Variants in RPS6KA6 observed in about 807,000 individuals in gnomAD.
RPS6KA6 encodes ribosomal protein S6 kinase alpha-6.
RPS6KA6 carries 27 observed loss-of-function variants against 65.4 expected under a neutral mutation model. The ratio of observed to expected loss-of-function variants is 0.41; its 90% CI spans 0.30 to 0.57. The LOEUF (loss-of-function observed/expected upper bound fraction) is 0.57, where lower values mean the gene tolerates loss of function less well. Among genes scored for constraint, RPS6KA6 ranks in the 20% least tolerant of loss-of-function variants. RPS6KA6 has a pLI of 0.24. For synonymous variants in RPS6KA6, 190 were observed against 184.2 expected (o/e 1.03, Z -0.26); for missense variants, 486 against 555.6 (o/e 0.87, Z 1.26).
At chrX:84,068,689 A>G (rs886373293) in intron 20 of RPS6KA6, among the ~76,000 whole-genome samples, 6 of 112,295 alleles carry the variant, frequency 5.3e-5, no homozygotes, top group Non-Finnish European at 1.1e-4. Context: ...CTCAGCCTAA[A>G]AACTATTTAT....
At chrX:84,179,006 T>G (rs2035808581) in intron 1 of RPS6KA6, among the ~76,000 whole-genome samples, 1 of 111,409 alleles carries the variant, frequency 9.0e-6, no homozygotes, top group Admixed American at 9.6e-5. Flanking sequence ...GAAAAATATT[T>G]GGAAATCGGT....
intron 20 of RPS6KA6, among the ~76,000 whole-genome samples, chrX:84,081,161 CA>C (rs952963086): frequency 9.0e-6 from 1 of 111,332 alleles, no homozygotes; most frequent in Non-Finnish European, 1.9e-5. Context: ...GAAAACCCTT[CA>C]AAAAATCAAT....
At chrX:84,110,129 T>A (rs6622916) in intron 12 of RPS6KA6, among the ~76,000 whole-genome samples, 1 of 111,698 alleles carries the variant, frequency 9.0e-6, no homozygotes, top group Non-Finnish European at 1.9e-5. Context: ...GTGTCTTCTG[T>A]GGCTATCAGC....
chrX:84,116,345 G>T, intron 11 of RPS6KA6, 58 bp from the exon 12 acceptor site: 1 of 598,916 alleles, frequency 1.7e-6, no homozygotes, highest in Non-Finnish European at 2.5e-6. Context: ...TTGCTCCCTG[G>T]CTTCCAGACT....
rs193118587 is a variant in RPS6KA6 at position 84,151,221 on chromosome X, T to G, written c.259-3098A>C. ...GAGATATAGATATATAGGATATATA[T>G]AGATATAGATATATAGGATATATAT... On this transcript the variant is annotated intron_variant, in intron 3 of 21. Transcript: ENST00000262752. 7.5e-4 allele frequency among the ~76,000 whole-genome samples: 69 copies of G among 92,104 alleles called. 1 individual carries two copies. Among genetic ancestry groups the G allele is most frequent in the African/African-American group, 2.1e-3 (57 of 26,717 alleles). 80.0% of individuals were successfully genotyped at this position (92,104 alleles called of 115,157 possible).
rs768401575 is a variant in RPS6KA6 at position 84,174,984 on chromosome X, CT to C, written c.82-10598del. Reference sequence around the variant, plus strand: ...TTTTCCTTCGATTTTTATTAGTTTTCTTACTAAAAATGTTTAAAACCAACTT... The same window carrying C: ...TTTTCCTTCGATTTTTATTAGTTTTCTACTAAAAATGTTTAAAACCAACTT... On this transcript the variant is annotated intron_variant, in intron 1 of 21. Coordinates refer to ENST00000262752, the MANE Select transcript of RPS6KA6 (RefSeq NM_014496.5). Among the ~76,000 whole-genome samples, 6 of 111,850 alleles carry C rather than the reference CT, an allele frequency of 5.4e-5. No individual in the cohort carries two copies. In the Admixed American group the frequency reaches 5.7e-4, roughly 11 times the overall value.
intron 1 of RPS6KA6, among the ~76,000 whole-genome samples, chrX:84,174,100 G>A (rs1378483995): frequency 2.7e-5 from 3 of 110,990 alleles, no homozygotes; most frequent in Non-Finnish European, 5.7e-5. Context: ...TGTTTTTTTG[G>A]ATTCACCAGG....
intron 8 of RPS6KA6, among the ~76,000 whole-genome samples, chrX:84,123,097 A>G (rs2034710071): frequency 9.0e-6 from 1 of 111,679 alleles, no homozygotes. Context: ...CCTGGGCCAA[A>G]AGGAAACCCA....
intron 9 of RPS6KA6, among the ~76,000 whole-genome samples, chrX:84,118,545 G>A (rs2034610772): frequency 9.0e-6 from 1 of 111,468 alleles, no homozygotes. Context: ...AGTAACCTAT[G>A]CTACATGTTA....
chrX:84,177,951 C>T (rs2035795211), intron 1 of RPS6KA6, among the ~76,000 whole-genome samples: 1 of 110,968 alleles, frequency 9.0e-6, no homozygotes, highest in Non-Finnish European at 1.9e-5. Flanking sequence ...TGCACCACCA[C>T]ACACAGCTAA....
intron 20 of RPS6KA6, among the ~76,000 whole-genome samples, chrX:84,094,752 G>A (rs1818487878): frequency 1.8e-5 from 2 of 112,025 alleles, no homozygotes; most frequent in African/African-American, 6.5e-5. Flanking sequence ...GGAGATAACT[G>A]ACATGGGTAA....
chrX:84,186,307 C>T (rs1368210979), intron 1 of RPS6KA6: 1 of 345,925 alleles, frequency 2.9e-6, no homozygotes, highest in Non-Finnish European at 5.0e-6. Flanking sequence ...AAGCATTTAA[C>T]TGTTTTTATA....
chrX:84,130,762 T>A (rs2034881749), intron 8 of RPS6KA6, among the ~76,000 whole-genome samples: 1 of 111,498 alleles, frequency 9.0e-6, no homozygotes, highest in Non-Finnish European at 1.9e-5. Flanking sequence ...AAAGGCTGTA[T>A]ACTGTATGCC....
chrX:84,097,034 CAT>C (rs1297659070), intron 19 of RPS6KA6, among the ~76,000 whole-genome samples: 5 of 111,144 alleles, frequency 4.5e-5, no homozygotes, highest in African/African-American at 1.6e-4. Flanking sequence ...ATTTTTATAA[CAT>C]ATTTATAGAG....
chrX:84,158,964 G>GA (rs770700698), intron 2 of RPS6KA6, among the ~76,000 whole-genome samples: 44 of 111,544 alleles, frequency 3.9e-4, no homozygotes, highest in African/African-American at 1.4e-3. Context: ...GGCCAGGATT[G>GA]AAAAACAATA....
intron 6 of RPS6KA6, among the ~76,000 whole-genome samples, chrX:84,144,203 C>T (rs1360674023): frequency 9.0e-6 from 1 of 111,176 alleles, no homozygotes; most frequent in Admixed American, 9.6e-5. Context: ...AAATTAAGAA[C>T]TTCTGCTTTT....
intron 12 of RPS6KA6, among the ~76,000 whole-genome samples, chrX:84,108,408 C>A (rs1223813362): frequency 2.7e-5 from 3 of 111,474 alleles, no homozygotes; most frequent in Non-Finnish European, 5.7e-5. Context: ...GGTGAGGAAT[C>A]AAAATAGCAA....
intron 19 of RPS6KA6, 35 bp from the exon 20 acceptor site, chrX:84,096,346 G>A (rs2034156943): frequency 4.5e-6 from 3 of 671,676 alleles, no homozygotes; most frequent in Non-Finnish European, 4.3e-6. Context: ...GACACTAGAG[G>A]GTAACATACC....
At chrX:84,069,231 A>AC (rs951797554) in intron 20 of RPS6KA6, among the ~76,000 whole-genome samples, 1 of 111,728 alleles carries the variant, frequency 9.0e-6, no homozygotes, top group African/African-American at 3.3e-5. Flanking sequence ...GACCGATGGA[A>AC]CAGAACAGAG....
Sources: gnomAD v4.1 joint callset for allele counts (sites outside exome capture counted in the v4.1 genomes callset) on GRCh38, gnomAD v4.1.1 for gene constraint, MANE v1.5 for transcripts, NCBI Gene and HGNC (gene_info 2026-07-23, HGNC 2026-07-21) for gene names.